CSMD1: variants seen among roughly 807,000 people sequenced by gnomAD.
The protein encoded by CSMD1 is CUB and sushi domain-containing protein 1.
A neutral mutation model predicts 417.5 loss-of-function variants in CSMD1; 213 were observed. That is an observed-to-expected ratio of 0.51 (90% confidence interval 0.46 to 0.57). The LOEUF (loss-of-function observed/expected upper bound fraction) is 0.57, where lower values mean the gene tolerates loss of function less well. Among genes scored for constraint, CSMD1 ranks in the 20% least tolerant of loss-of-function variants. The pLI, the probability that CSMD1 is intolerant of heterozygous loss-of-function variation, is 0.00. For missense variants in CSMD1, 6,923 were observed against 4,529.7 expected (o/e 1.53, Z -15.17); for synonymous variants, 2,862 against 1,736.8 (o/e 1.65, Z -16.11).
intron 11 of CSMD1, among the ~76,000 whole-genome samples, chr8:3,483,284 A>G (rs1817846072): frequency 6.6e-6 from 1 of 152,086 alleles, no homozygotes. Context: ...TACAAATACC[A>G]GAAATAAAAT....
chr8:2,978,153 C>G (rs933378567), intron 55 of CSMD1, among the ~76,000 whole-genome samples: 2 of 152,186 alleles, frequency 1.3e-5, no homozygotes, highest in African/African-American at 2.4e-5. Flanking sequence ...CCAATCAGGT[C>G]TCACAGCACT....
intron 2 of CSMD1, among the ~76,000 whole-genome samples, chr8:4,524,711 A>C (rs1465284740): frequency 2.0e-5 from 3 of 152,146 alleles, no homozygotes. Context: ...TTAAAACCAA[A>C]TCTGATATTT....
At chr8:3,331,110 T>C (rs150629160) in intron 23 of CSMD1, among the ~76,000 whole-genome samples, 2,157 of 151,774 alleles carry the variant, frequency 0.014, 25 homozygotes, top group Non-Finnish European at 0.022. Flanking sequence ...TGGTGGCGGG[T>C]GCCTGTAGTC....
Position 3,307,834 on chromosome 8 carries a change from C to G in CSMD1, c.3824-13G>C, listed in dbSNP as rs76745052. On this transcript the variant is annotated splice_polypyrimidine_tract_variant and intron_variant, in intron 24 of 69. Transcript: ENST00000635120. ...CCACCACATTCCGCTGTAGAAGACA[C>G]AGAGAGATGGGAACGTTCAGCTTCA... is the stretch of plus-strand genomic sequence containing the variant. 3.7e-6 allele frequency: 6 copies of G among 1,607,016 alleles called. No homozygotes were observed. The highest frequency in any genetic ancestry group is 1.7e-5 in the Admixed American group (1 of 58,404).
chr8:4,429,971 C>T (rs2128946264), intron 2 of CSMD1, among the ~76,000 whole-genome samples: 1 of 152,302 alleles, frequency 6.6e-6, no homozygotes, highest in East Asian at 1.9e-4. Flanking sequence ...GGAGAATCCA[C>T]TGGAAGCTGA....
intron 17 of CSMD1, among the ~76,000 whole-genome samples, chr8:3,393,616 T>A (rs1359606813): frequency 6.6e-6 from 1 of 152,062 alleles, no homozygotes; most frequent in Non-Finnish European, 1.5e-5. Flanking sequence ...TAGACTGGAT[T>A]GAGAAAATAT....
chr8:4,659,256 T>G (rs1804432676), intron 1 of CSMD1, among the ~76,000 whole-genome samples: 1 of 107,674 alleles, frequency 9.3e-6, no homozygotes, highest in African/African-American at 4.8e-5. Context: ...ATACCAACAT[T>G]AAAAAAGAAG....
At chr8:4,248,679 G>T (rs888699441) in intron 3 of CSMD1, among the ~76,000 whole-genome samples, 1 of 152,022 alleles carries the variant, frequency 6.6e-6, no homozygotes, top group Admixed American at 6.6e-5. Flanking sequence ...CTCCTGTCCT[G>T]CCCTAGACAT....
In CSMD1 at chr8:3,055,307, G is replaced by A. The variant is rs751338491; in HGVS notation, c.7475-2660C>T. ...GTCTTAAGACAACCCATTTTATGTTGCCTGATCAACAACCGGGAATCTTTT... is the reference window on the plus strand; with the variant it reads ...GTCTTAAGACAACCCATTTTATGTTACCTGATCAACAACCGGGAATCTTTT... On this transcript the variant is annotated intron_variant, in intron 49 of 69. Coordinates refer to ENST00000635120, the MANE Select transcript of CSMD1 (RefSeq NM_033225.6). Among the ~76,000 whole-genome samples the A allele has an allele frequency of 3.1e-4, 47 of 152,122 alleles. 1 individual carries two copies. Among genetic ancestry groups the A allele is most frequent in the Non-Finnish European group, 5.4e-4 (37 of 68,034 alleles).
intron 3 of CSMD1, among the ~76,000 whole-genome samples, chr8:4,045,654 T>A (rs923746436): frequency 6.6e-6 from 1 of 152,186 alleles, no homozygotes; most frequent in Admixed American, 6.5e-5. Context: ...ACAAGATGGA[T>A]TGTAGTAGAA....
At chr8:3,232,991 A>G (rs1798928712) in intron 26 of CSMD1, among the ~76,000 whole-genome samples, 1 of 152,070 alleles carries the variant, frequency 6.6e-6, no homozygotes, top group African/African-American at 2.4e-5. Context: ...GTTTTTATAA[A>G]CCTCATACAT....
At chr8:4,125,478 G>A (rs1585369277) in intron 3 of CSMD1, among the ~76,000 whole-genome samples, 1 of 152,170 alleles carries the variant, frequency 6.6e-6, no homozygotes, top group Non-Finnish European at 1.5e-5. Context: ...AAACCAAGCT[G>A]CGCCCCGGCC....
chr8:4,338,390 A>T (rs1315138846), intron 3 of CSMD1, among the ~76,000 whole-genome samples: 2 of 152,132 alleles, frequency 1.3e-5, no homozygotes, highest in African/African-American at 4.8e-5. Flanking sequence ...CAAATTACGT[A>T]AAAGTACATA....
intron 5 of CSMD1, among the ~76,000 whole-genome samples, chr8:3,769,449 G>C (rs1268885330): frequency 4.6e-5 from 7 of 151,332 alleles, no homozygotes; most frequent in African/African-American, 1.7e-4. Flanking sequence ...AAAGTGACAG[G>C]CTGAACTCAT....
intron 67 of CSMD1, 106 bp downstream of exon 67, chr8:2,950,125 C>T (rs567765454): frequency 1.8e-5 from 13 of 720,808 alleles, no homozygotes; most frequent in Admixed American, 2.2e-5. Flanking sequence ...AAGGGGCAGA[C>T]ACAAGACAGC....
At chr8:3,294,925 A>T (rs1173227413) in intron 25 of CSMD1, among the ~76,000 whole-genome samples, 1 of 151,912 alleles carries the variant, frequency 6.6e-6, no homozygotes, top group Admixed American at 6.6e-5. Flanking sequence ...TCATGCTGGG[A>T]GCTGTAGACT....
At position 4,154,928 on chromosome 8, in the gene CSMD1, T is replaced by C. The variant is rs151054003; in HGVS notation, c.416-122829A>G. Among the ~76,000 whole-genome samples, 327 of 152,314 alleles carry C rather than the reference T, an allele frequency of 2.1e-3. 8 individuals are homozygous for C. Among genetic ancestry groups the C allele is most frequent in the Non-Finnish European group, 6.9e-4 (47 of 68,040 alleles). On this transcript the variant is annotated intron_variant, in intron 3 of 69. Transcript: ENST00000635120. Reference sequence around the variant, plus strand: ...TACATTTTTCTAAATTCCAAGTCTATTGACAATAATACAAAATGTTATATT... The same window carrying C: ...TACATTTTTCTAAATTCCAAGTCTACTGACAATAATACAAAATGTTATATT...
chr8:4,959,257 A>G lies in CSMD1; in HGVS notation c.85+35075T>C, dbSNP rs544246170. 2.0e-5 allele frequency among the ~76,000 whole-genome samples: 3 copies of G among 152,300 alleles called. No homozygotes were observed. In the South Asian group the frequency reaches 6.2e-4, roughly 32 times the overall value. ...TATTTTTAAAATGGATTCTGGGGTC[A>G]TATGTTTTGGAAAAGCTAAGTAGAT... On this transcript the variant is annotated intron_variant, in intron 1 of 69. Transcript: ENST00000635120.
chr8:3,904,837 A>G (rs915715044), intron 5 of CSMD1, among the ~76,000 whole-genome samples: 4 of 151,966 alleles, frequency 2.6e-5, no homozygotes, highest in African/African-American at 9.7e-5. Flanking sequence ...GGGTTTTACC[A>G]TGTTGACCAG....
Sources: allele counts gnomAD v4.1 joint callset (sites outside exome capture counted in the v4.1 genomes callset), GRCh38; gene constraint gnomAD v4.1.1; transcripts MANE v1.5; gene names NCBI Gene and HGNC (gene_info 2026-07-23, HGNC 2026-07-21).